The following UVSSA variants were observed in gnomAD, a reference collection of about 807,000 sequenced individuals.
UVSSA encodes the protein UV-stimulated scaffold protein A.
A neutral mutation model predicts 73.9 loss-of-function variants in UVSSA; 72 were observed. The observed-to-expected ratio is 0.97, with a 90% CI of 0.81 to 1.19. The LOEUF (loss-of-function observed/expected upper bound fraction) is 1.19. Ranked by LOEUF, UVSSA falls within the 50% of genes most tolerant of loss-of-function variation. UVSSA has a pLI of 0.00. For missense variants in UVSSA, 1,150 were observed against 965.0 expected, an observed-to-expected ratio of 1.19 and a Z score of -2.54; for synonymous variants, 454 against 391.3, an observed-to-expected ratio of 1.16 and a Z score of -1.89.
chr4:1,344,783 C>T (rs913434305), upstream of UVSSA, among the ~76,000 whole-genome samples: 4 of 152,294 alleles, frequency 2.6e-5, no homozygotes, highest in African/African-American at 7.2e-5. Context: ...GGAACAAGCA[C>T]GGCAGGTTTA....
rs147251189 is a variant in UVSSA at position 1,385,903 on chromosome 4, G to A, written c.2072G>A (p.Arg691Gln). Residue 691 changes from arginine (R) to glutamine (Q), a missense_variant, in exon 14 of 14, where the codon CGG (arginine) becomes CAG (glutamine). Transcript: ENST00000389851. Reference sequence around the variant, plus strand: ...CGGAGGGTAGTGGCAGCCATGAACCGGATGGACCAGAAGAAGCACGAGAAG... The same window carrying A: ...CGGAGGGTAGTGGCAGCCATGAACCAGATGGACCAGAAGAAGCACGAGAAG... ...AVRRVVAAMN[R>Q]MDQKKHEKFS... 231 of 1,614,046 alleles carry A rather than the reference G, an allele frequency of 1.4e-4. 1 individual carries two copies. The highest frequency in any genetic ancestry group is 9.1e-4 in the African/African-American group (68 of 75,068).
chr4:1,346,964 T>C (rs2109038485), upstream of UVSSA, among the ~76,000 whole-genome samples: 1 of 152,244 alleles, frequency 6.6e-6, no homozygotes, highest in East Asian at 1.9e-4. Flanking sequence ...CGGCCGCGTC[T>C]TTGCGCCTGC....
intron 7 of UVSSA, among the ~76,000 whole-genome samples, chr4:1,360,387 C>G (rs1264485681): frequency 6.8e-6 from 1 of 147,454 alleles, no homozygotes; most frequent in Non-Finnish European, 1.5e-5. Context: ...AAACACCGCC[C>G]CATGCTGTTA....
chr4:1,359,054 T>G (rs1162690820), intron 7 of UVSSA: 1 of 152,260 alleles, frequency 6.6e-6, no homozygotes, highest in Non-Finnish European at 1.5e-5. Flanking sequence ...GTCTTTCCTT[T>G]TTAACATTTC....
exon 14 of UVSSA, chr4:1,393,329 T>C (rs1019839037): frequency 6.6e-6 from 1 of 152,274 alleles, no homozygotes; most frequent in Non-Finnish European, 1.5e-5. Flanking sequence ...TGAAACATTC[T>C]CATACTTTAA....
At chr4:1,362,821 G>A (rs888714511) in intron 7 of UVSSA, among the ~76,000 whole-genome samples, 1 of 152,178 alleles carries the variant, frequency 6.6e-6, no homozygotes, top group Admixed American at 6.5e-5. Context: ...CGTGCGCTTC[G>A]AGGCCTCGGG....
At chr4:1,346,985 C>T (rs958101629), upstream of UVSSA, among the ~76,000 whole-genome samples, 1 of 152,192 alleles carries the variant, frequency 6.6e-6, no homozygotes, top group Non-Finnish European at 1.5e-5. Context: ...GCCTCCTGGG[C>T]TGGGGTGAGC....
intron 12 of UVSSA, among the ~76,000 whole-genome samples, chr4:1,383,527 GC>G (rs1209011428): frequency 6.6e-6 from 1 of 152,172 alleles, no homozygotes; most frequent in East Asian, 1.9e-4. Context: ...GGCGGTGGGG[GC>G]AAGCTCTGTG....
chr4:1,353,462 G>A (rs749756010), intron 5 of UVSSA, 49 bp downstream of exon 5: 50 of 1,438,264 alleles, frequency 3.5e-5, no homozygotes, highest in African/African-American at 5.7e-5. Context: ...CCCGGCTCCC[G>A]GGTAGGCTCC....
chr4:1,360,321 C>T (rs902168809), intron 7 of UVSSA, among the ~76,000 whole-genome samples: 2 of 152,254 alleles, frequency 1.3e-5, no homozygotes, highest in Admixed American at 6.5e-5. Context: ...TTCACCGTCC[C>T]TCAGTACCTG....
intron 2 of UVSSA, among the ~76,000 whole-genome samples, chr4:1,348,606 C>T (rs758388897): frequency 9.9e-5 from 15 of 152,144 alleles, no homozygotes; most frequent in African/African-American, 3.6e-4. Flanking sequence ...AGGAAAACGC[C>T]GGAGGGGATC....
chr4:1,352,380 G>GC (rs1470469111), intron 4 of UVSSA, among the ~76,000 whole-genome samples: 3 of 152,234 alleles, frequency 2.0e-5, no homozygotes, highest in Non-Finnish European at 4.4e-5. Context: ...TGTGGGACCT[G>GC]CCACAGGCCA....
intron 8 of UVSSA, among the ~76,000 whole-genome samples, chr4:1,370,664 A>G (rs1245240545): frequency 1.3e-5 from 2 of 151,036 alleles, no homozygotes; most frequent in Non-Finnish European, 3.0e-5. Flanking sequence ...ACTGGGTGCC[A>G]GTAACACCCT....
At chr4:1,373,093 G>T (rs1718338000) in intron 8 of UVSSA, among the ~76,000 whole-genome samples, 1 of 152,242 alleles carries the variant, frequency 6.6e-6, no homozygotes, top group Non-Finnish European at 1.5e-5. Flanking sequence ...TCCTGAGCTT[G>T]AACTTCTCCT....
intron 8 of UVSSA, among the ~76,000 whole-genome samples, chr4:1,370,252 C>T (rs1717866073): frequency 6.6e-6 from 1 of 152,240 alleles, no homozygotes; most frequent in South Asian, 2.1e-4. Flanking sequence ...TCACTGTGAG[C>T]ATGTGCGTGT....
chr4:1,358,859 C>G (rs146725187), intron 7 of UVSSA, among the ~76,000 whole-genome samples: 6 of 152,346 alleles, frequency 3.9e-5, no homozygotes, highest in Non-Finnish European at 5.9e-5. Context: ...CTAATTCAGT[C>G]ATGCCTGATT....
chr4:1,384,512 G>C (rs142387769), intron 13 of UVSSA: 7 of 152,864 alleles, frequency 4.6e-5, no homozygotes, highest in African/African-American at 1.7e-4. Flanking sequence ...CCACCAGCCC[G>C]GCGTCCCTGC....
At chr4:1,395,825 T>C (rs1435292964) in exon 14 of UVSSA, 2 of 1,613,922 alleles carry the variant, frequency 1.2e-6, no homozygotes, top group African/African-American at 1.3e-5. Flanking sequence ...ATCCCTTTTA[T>C]ATTTCTCTGC....
chr4:1,365,819 C>T (rs531367407), intron 7 of UVSSA, among the ~76,000 whole-genome samples: 55 of 152,054 alleles, frequency 3.6e-4, no homozygotes, highest in African/African-American at 1.1e-3. Flanking sequence ...CCCGGGGGCA[C>T]CGCAGACGCA....
Sources: gnomAD v4.1 joint callset for allele counts (sites outside exome capture counted in the v4.1 genomes callset) on GRCh38, gnomAD v4.1.1 for gene constraint, MANE v1.5 for transcripts, NCBI Gene and HGNC (gene_info 2026-07-23, HGNC 2026-07-21) for gene names.